TBC1D14: variants seen among roughly 807,000 people sequenced by gnomAD.
The protein encoded by TBC1D14 is TBC1 domain family, member 14.
A neutral mutation model predicts 79.0 loss-of-function variants in TBC1D14; 26 were observed. That is an observed-to-expected ratio of 0.33 (90% CI 0.24 to 0.46). The LOEUF is 0.46. TBC1D14 is among the 20% of genes least tolerant of loss of function. The pLI is 1.00. For synonymous variants in TBC1D14, 394 were observed against 349.9 expected, an observed-to-expected ratio of 1.13 and a Z score of -1.40; for missense variants, 769 against 887.6, an observed-to-expected ratio of 0.87 and a Z score of 1.70.
chr4:7,024,189 G>A (rs1290447237), intron 12 of TBC1D14, among the ~76,000 whole-genome samples: 1 of 152,214 alleles, frequency 6.6e-6, no homozygotes, highest in Non-Finnish European at 1.5e-5. Flanking sequence ...TTATGGGAAA[G>A]TCAGGGTCAC....
chr4:6,985,808 ATTGTC>A (rs1577123170), intron 3 of TBC1D14, among the ~76,000 whole-genome samples: 1 of 152,114 alleles, frequency 6.6e-6, no homozygotes, highest in African/African-American at 2.4e-5. Flanking sequence ...ATTTTGGATA[ATTGTC>A]TTAACAAGGC....
At chr4:7,026,425 G>T (rs867086851) in intron 13 of TBC1D14, among the ~76,000 whole-genome samples, 2 of 152,148 alleles carry the variant, frequency 1.3e-5, no homozygotes, top group African/African-American at 4.8e-5. Context: ...CCTATCATCA[G>T]ATATCCAGTT....
intron 2 of TBC1D14, among the ~76,000 whole-genome samples, chr4:6,952,156 T>C (rs920491539): frequency 2.6e-5 from 4 of 152,202 alleles, no homozygotes; most frequent in African/African-American, 9.7e-5. Context: ...CCTTTCTAAG[T>C]GCATGCGGCC....
chr4:6,924,965 G>A (rs1178208935), intron 2 of TBC1D14, among the ~76,000 whole-genome samples: 1 of 152,156 alleles, frequency 6.6e-6, no homozygotes, highest in Non-Finnish European at 1.5e-5. Context: ...GTGCTGGGAG[G>A]AAGGGCACAG....
At chr4:6,983,331 T>C (rs916974173) in intron 3 of TBC1D14, among the ~76,000 whole-genome samples, 1 of 152,048 alleles carries the variant, frequency 6.6e-6, no homozygotes, top group Non-Finnish European at 1.5e-5. Flanking sequence ...TTGAGGAAAT[T>C]TGGGCAAAGG....
intron 12 of TBC1D14, among the ~76,000 whole-genome samples, chr4:7,015,009 G>A (rs1316078622): frequency 6.6e-6 from 1 of 152,146 alleles, no homozygotes; most frequent in Non-Finnish European, 1.5e-5. Context: ...GAGCGAAGGT[G>A]ACAAGTGCAT....
chr4:6,941,226 C>T (rs180899658), intron 2 of TBC1D14, among the ~76,000 whole-genome samples: 5 of 137,004 alleles, frequency 3.6e-5, no homozygotes, highest in Non-Finnish European at 1.5e-5. Context: ...CACTCTGTGG[C>T]CCAGGCTGGA....
At chr4:7,026,819 C>T (rs926247108) in intron 13 of TBC1D14, among the ~76,000 whole-genome samples, 16 of 152,074 alleles carry the variant, frequency 1.1e-4, no homozygotes. Context: ...ACCATTTGAG[C>T]CTGGGAGGTC....
At chr4:6,989,929 C>T (rs761414184) in intron 3 of TBC1D14, among the ~76,000 whole-genome samples, 1 of 152,226 alleles carries the variant, frequency 6.6e-6, no homozygotes, top group Non-Finnish European at 1.5e-5. Context: ...CTGCCCAGAG[C>T]AGGGACTTCG....
chr4:7,000,946 A>T (rs963876883), intron 6 of TBC1D14, among the ~76,000 whole-genome samples, 199 bp from the exon 7 acceptor site: 1 of 151,712 alleles, frequency 6.6e-6, no homozygotes, highest in Admixed American at 6.6e-5. Flanking sequence ...GCTCCTCCAT[A>T]CCTGCCACGG....
chr4:7,010,109 C>T (rs537599668), intron 10 of TBC1D14, among the ~76,000 whole-genome samples, 161 bp downstream of exon 10: 11 of 152,274 alleles, frequency 7.2e-5, no homozygotes, highest in Admixed American at 2.6e-4. Context: ...GACTCAGGTT[C>T]CTCTTAAAGA....
intron 2 of TBC1D14, among the ~76,000 whole-genome samples, chr4:6,942,827 C>T (rs779469343): frequency 1.3e-5 from 2 of 152,156 alleles, no homozygotes; most frequent in Non-Finnish European, 2.9e-5. Flanking sequence ...TAATACCTGG[C>T]TGTTCATTCA....
chr4:7,001,267 GA>G lies in TBC1D14; in HGVS notation c.1270+17del. 1 of 1,606,544 alleles carries G rather than the reference GA, an allele frequency of 6.2e-7. No individual in the cohort carries two copies. The highest frequency in any genetic ancestry group is 8.5e-7 in the Non-Finnish European group (1 of 1,173,874). On this transcript the variant is annotated intron_variant, in intron 7 of 13. Transcript: ENST00000409757. The stretch of plus-strand genomic sequence containing the variant: ...ATCACCCACGGTGAGTGGCCTGCAT[GA>G]TCCTGGGGAGTCCACCTCCAGGCCC...
At chr4:6,959,184 C>T (rs184106632) in intron 2 of TBC1D14, among the ~76,000 whole-genome samples, 37 of 152,138 alleles carry the variant, frequency 2.4e-4, no homozygotes, top group Middle Eastern at 3.4e-3. Flanking sequence ...CGCGCCCGGC[C>T]GAGGATGGTA....
chr4:7,024,998 C>T lies in TBC1D14; in HGVS notation c.1758-6C>T. 1 of 1,613,356 alleles carries T rather than the reference C, an allele frequency of 6.2e-7. No individual in the cohort carries two copies. The highest frequency in any genetic ancestry group is 1.7e-5 in the Admixed American group (1 of 59,974). ...AATCTGAAAAATTCCAACTTTTACC[C>T]CCTAGGATCTTTACCTTATATAGTA... On this transcript the variant is annotated splice_polypyrimidine_tract_variant and splice_region_variant and intron_variant, in intron 12 of 13. Transcript: ENST00000409757.
chr4:6,938,721 C>CATAGGG, intron 2 of TBC1D14, among the ~76,000 whole-genome samples: 1 of 152,352 alleles, frequency 6.6e-6, no homozygotes, highest in Non-Finnish European at 1.5e-5. Context: ...AGCCTTGCCT[C>CATAGGG]GCGGGCCTTC....
chr4:6,983,754 C>T (rs1717582532), intron 3 of TBC1D14, among the ~76,000 whole-genome samples: 1 of 152,226 alleles, frequency 6.6e-6, no homozygotes, highest in Non-Finnish European at 1.5e-5. Context: ...GTTTAATTTG[C>T]ACTTTCCTTT....
At chr4:7,022,413 G>C (rs1577188029) in intron 12 of TBC1D14, among the ~76,000 whole-genome samples, 3 of 152,374 alleles carry the variant, frequency 2.0e-5, no homozygotes, top group African/African-American at 7.2e-5. Flanking sequence ...CAGTGTAAAG[G>C]AAGGTGAAGA....
At chr4:6,944,019 G>A (rs1354454659) in intron 2 of TBC1D14, among the ~76,000 whole-genome samples, 4 of 105,362 alleles carry the variant, frequency 3.8e-5, no homozygotes, top group African/African-American at 3.0e-5. Flanking sequence ...TGAAGCCGGC[G>A]CGTTCTGCCG....
Sources: allele counts gnomAD v4.1 joint callset (sites outside exome capture counted in the v4.1 genomes callset), GRCh38; gene constraint gnomAD v4.1.1; transcripts MANE v1.5; gene names NCBI Gene and HGNC (gene_info 2026-07-23, HGNC 2026-07-21).